IL31RA: variants seen among roughly 807,000 people sequenced by gnomAD.
IL31RA encodes the protein interleukin-31 receptor subunit alpha.
In IL31RA, 66 loss-of-function variants were observed where a neutral mutation model predicts 83.7. That is an observed-to-expected ratio of 0.79 (90% confidence interval 0.65 to 0.97). The LOEUF is 0.97. IL31RA is among the 50% of genes least tolerant of loss of function. The probability of loss-of-function intolerance (pLI) is 0.00; values close to 1 mark genes in which losing one functional copy is unlikely to be tolerated. For missense variants in IL31RA, 798 were observed against 919.4 expected (o/e 0.87, Z 1.71); for synonymous variants, 325 against 329.0 (o/e 0.99, Z 0.13).
intron 3 of IL31RA, among the ~76,000 whole-genome samples, chr5:55,871,318 T>C (rs9292103): frequency 0.56 from 84,983 of 152,052 alleles, 24,274 homozygotes; most frequent in African/African-American, 0.65. Context: ...TGATTCTATG[T>C]GTCTATGTCT....
At chr5:55,909,934 C>T (rs539703893) in intron 11 of IL31RA, among the ~76,000 whole-genome samples, 44 of 152,348 alleles carry the variant, frequency 2.9e-4, no homozygotes, top group African/African-American at 9.6e-4. Context: ...GAACTCCCGA[C>T]CTCGGGTGAT....
In IL31RA at chr5:55,890,043, C is replaced by T. The variant is rs1747888882; in HGVS notation, c.680C>T (p.Thr227Ile). 2 of 1,613,920 alleles carry T rather than the reference C, an allele frequency of 1.2e-6. No homozygotes were observed. The highest frequency in any genetic ancestry group is 2.7e-5 in the African/African-American group (2 of 74,912). Residue 227 changes from threonine (T) to isoleucine (I), a missense_variant, in exon 6 of 15, where the codon ACA becomes ATA. Coordinates refer to ENST00000652347, the MANE Select transcript of IL31RA (RefSeq NM_139017.7). Reference protein sequence around the residue: ...TYNLTGLQPFTEYVIALRCAV... With the variant: ...TYNLTGLQPFIEYVIALRCAV... Reference sequence around the variant, plus strand: ...AACCTCACGGGGCTGCAGCCTTTTACAGAATATGTCATAGCTCTGCGATGT... The same window carrying T: ...AACCTCACGGGGCTGCAGCCTTTTATAGAATATGTCATAGCTCTGCGATGT...
At chr5:55,884,555 C>T (rs1266594980) in intron 5 of IL31RA, among the ~76,000 whole-genome samples, 3 of 152,148 alleles carry the variant, frequency 2.0e-5, no homozygotes, top group African/African-American at 7.2e-5. Flanking sequence ...CTGCCTCAGC[C>T]TCTCGAGCAG....
At chr5:55,908,919 C>T in intron 11 of IL31RA, 2 of 1,212,980 alleles carry the variant, frequency 1.6e-6, no homozygotes, top group Non-Finnish European at 2.1e-6. Flanking sequence ...CCAGTTTAAA[C>T]ATTTGAAAGT....
At chr5:55,907,072 TGGATCTCTCTGCTGCAATA>T (rs2112558146) in intron 9 of IL31RA, among the ~76,000 whole-genome samples, 1 of 152,342 alleles carries the variant, frequency 6.6e-6, no homozygotes, top group African/African-American at 2.4e-5. Flanking sequence ...AGCGATCCTA[TGGATCTCTCTGCTGCAATA>T]GTATTTGGTC....
In IL31RA at chr5:55,918,308, T is replaced by C. The variant is rs79710245; in HGVS notation, c.*1188T>C. Among the ~76,000 whole-genome samples, 358 of 152,230 alleles carry C rather than the reference T, an allele frequency of 2.4e-3. 1 individual carries two copies. The highest frequency in any genetic ancestry group is 8.4e-3 in the African/African-American group (349 of 41,532). ...TGCCAGCCAGGAAGGCTGATGGTATTTTTTCTAGGAGAGTTTGAGGAATCA... is the reference window on the plus strand; with the variant it reads ...TGCCAGCCAGGAAGGCTGATGGTATCTTTTCTAGGAGAGTTTGAGGAATCA... On this transcript the variant is annotated 3_prime_UTR_variant, in exon 15 of 15. Coordinates refer to ENST00000652347, the MANE Select transcript of IL31RA (RefSeq NM_139017.7).
At chr5:55,857,276 T>C (rs1024557413) in intron 1 of IL31RA, among the ~76,000 whole-genome samples, 12 of 152,002 alleles carry the variant, frequency 7.9e-5, no homozygotes, top group African/African-American at 2.9e-4. Context: ...TTTTATTGTG[T>C]GTTTTGTAGA....
chr5:55,891,086 C>T (rs1747957691), intron 6 of IL31RA, among the ~76,000 whole-genome samples: 1 of 152,206 alleles, frequency 6.6e-6, no homozygotes, highest in Non-Finnish European at 1.5e-5. Context: ...TAGATATTCA[C>T]TAACTGCTAG....
intron 2 of IL31RA, among the ~76,000 whole-genome samples, chr5:55,862,420 C>G (rs1014513240): frequency 6.6e-6 from 1 of 151,436 alleles, no homozygotes; most frequent in African/African-American, 2.4e-5. Context: ...ATTTTTTTTT[C>G]TGAGACGGAG....
Position 55,907,357 on chromosome 5 carries a change from A to G in IL31RA, c.1253-2A>G, listed in dbSNP as rs972855881. ...ACACTTTTTTTTCTTTCTTTTTCAC[A>G]GATAAATTAAAACCTTTCTGGTGCT... On this transcript the variant is annotated splice_acceptor_variant, in intron 9 of 14. Transcript: ENST00000652347. LOFTEE classifies it high-confidence loss of function. 1 of 1,603,182 alleles carries G rather than the reference A, an allele frequency of 6.2e-7. No homozygotes were observed. Among genetic ancestry groups the G allele is most frequent in the Non-Finnish European group, 8.5e-7 (1 of 1,170,098 alleles).
the IL31RA span, among the ~76,000 whole-genome samples, chr5:55,842,226 A>G: frequency 7.9e-5 from 12 of 152,280 alleles, no homozygotes; most frequent in African/African-American, 2.9e-4. Flanking sequence ...GTTTCTTACA[A>G]GGGCACTGAT....
chr5:55,856,919 G>C (rs1745396717), intron 1 of IL31RA, among the ~76,000 whole-genome samples: 1 of 152,154 alleles, frequency 6.6e-6, no homozygotes, highest in South Asian at 2.1e-4. Flanking sequence ...GCAACTAAAT[G>C]ATAATGAAGG....
Position 55,896,340 on chromosome 5 carries a change from T to C in IL31RA, c.773-10T>C. On this transcript the variant is annotated splice_polypyrimidine_tract_variant and intron_variant, in intron 6 of 14. Coordinates refer to ENST00000652347, the MANE Select transcript of IL31RA (RefSeq NM_139017.7). ...CTCTGGGTTGAGTACCTCATTCTTG[T>C]TCCTTACAGCTCCATGTGGCCTGGA... 1.2e-6 allele frequency: 2 copies of C among 1,604,132 alleles called. No homozygotes were observed. Among genetic ancestry groups the C allele is most frequent in the South Asian group, 2.2e-5 (2 of 90,886 alleles).
At chr5:55,864,819 A>G (rs1024659672) in intron 2 of IL31RA, among the ~76,000 whole-genome samples, 5 of 151,048 alleles carry the variant, frequency 3.3e-5, no homozygotes, top group Non-Finnish European at 7.4e-5. Flanking sequence ...CACATATACT[A>G]TGCACACATA....
Position 55,913,546 on chromosome 5 carries a change from T to A in IL31RA, c.1712T>A (p.Val571Glu), listed in dbSNP as rs754796886. 6.2e-6 allele frequency: 10 copies of A among 1,612,716 alleles called. No homozygotes were observed. Among genetic ancestry groups the A allele is most frequent in the African/African-American group, 4.0e-5 (3 of 74,994 alleles). The part of the protein sequence containing the change: ...GGLLILIILT[V>E]AYGLKKPNKL... ...CTTCTTATTCTCATTATCCTGACAG[T>A]GGCATATGGTCTCAAAAAACCCAAG... Residue 571 changes from valine to glutamate, a missense_variant, in exon 13 of 15, where the codon GTG becomes GAG. Val to Glu is a moderately radical substitution (Grantham distance 121). Transcript: ENST00000652347.
chr5:55,914,973 T>C (rs1749705881), intron 14 of IL31RA, 45 bp downstream of exon 14: 2 of 1,414,956 alleles, frequency 1.4e-6, no homozygotes, highest in Middle Eastern at 1.8e-4. Flanking sequence ...CCGTGGGAGG[T>C]AGACGAGGTG....
In IL31RA at chr5:55,879,120, G is replaced by A. The variant is rs540873233; in HGVS notation, c.455-3924G>A. On this transcript the variant is annotated intron_variant, in intron 4 of 14. Transcript: ENST00000652347. ...GCAGTGCCTGGCTCTTTTCCTGCCT[G>A]AGATTAAAGTTAGGCAAAACAGAGA... Among the ~76,000 whole-genome samples, 6 of 152,230 alleles carry A rather than the reference G, an allele frequency of 3.9e-5. No individual in the cohort carries two copies. In the South Asian group the frequency reaches 1.2e-3, roughly 32 times the overall value.
At chr5:55,856,893 A>C (rs1745395672) in intron 1 of IL31RA, among the ~76,000 whole-genome samples, 1 of 152,196 alleles carries the variant, frequency 6.6e-6, no homozygotes, top group Admixed American at 6.5e-5. Flanking sequence ...GGATACAATT[A>C]GTTGAGTAGA....
chr5:55,857,349 C>T (rs1434579205), intron 1 of IL31RA, among the ~76,000 whole-genome samples: 1 of 152,154 alleles, frequency 6.6e-6, no homozygotes, highest in African/African-American at 2.4e-5. Flanking sequence ...GATCCGCCCA[C>T]CTCAGCCTCC....
Sources: gnomAD v4.1 joint callset for allele counts (sites outside exome capture counted in the v4.1 genomes callset) on GRCh38, gnomAD v4.1.1 for gene constraint, MANE v1.5 for transcripts, NCBI Gene and HGNC (gene_info 2026-07-23, HGNC 2026-07-21) for gene names.